Variants in HEMK2 observed in about 807,000 individuals in gnomAD.
HEMK2 encodes HemK methyltransferase 2, ETF1 glutamine and histone H4 lysine, also known as methyltransferase HEMK2.
chr21:28,705,771 C>T, the HEMK2 span, among the ~76,000 whole-genome samples: 2 of 152,122 alleles, frequency 1.3e-5, no homozygotes. Context: ...AAGGGTAAAT[C>T]AACGTTCTCG....
chr21:28,839,400 G>T, the HEMK2 span, among the ~76,000 whole-genome samples: 2 of 152,112 alleles, frequency 1.3e-5, no homozygotes, highest in East Asian at 3.9e-4. Context: ...GAAATAAAGC[G>T]CATTCAAATC....
At chr21:28,807,012 G>A in the HEMK2 span, among the ~76,000 whole-genome samples, 1 of 152,130 alleles carries the variant, frequency 6.6e-6, no homozygotes. Flanking sequence ...AAATGTCAGA[G>A]GCAGGCACAA....
the HEMK2 span, among the ~76,000 whole-genome samples, chr21:28,808,463 T>C: frequency 6.6e-6 from 1 of 150,702 alleles, no homozygotes; most frequent in Non-Finnish European, 1.5e-5. Context: ...ATTGAATCAG[T>C]AGATCAATTT....
At chr21:28,793,340 T>C in the HEMK2 span, among the ~76,000 whole-genome samples, 1 of 152,238 alleles carries the variant, frequency 6.6e-6, no homozygotes, top group Non-Finnish European at 1.5e-5. Context: ...CAATAACTCA[T>C]TTGCCTAAAA....
At chr21:28,878,354 T>C in the HEMK2 span, 5 of 1,611,532 alleles carry the variant, frequency 3.1e-6, no homozygotes, top group African/African-American at 6.7e-5. Flanking sequence ...TTAGAAAGAA[T>C]GTTTTCTTTT....
chr21:28,757,530 T>C, the HEMK2 span, among the ~76,000 whole-genome samples: 1 of 152,198 alleles, frequency 6.6e-6, no homozygotes, highest in African/African-American at 2.4e-5. Context: ...GGAACTCCCC[T>C]GCCCAAATAC....
the HEMK2 span, among the ~76,000 whole-genome samples, chr21:28,828,628 G>A: frequency 6.6e-6 from 1 of 152,122 alleles, no homozygotes; most frequent in East Asian, 1.9e-4. Context: ...GTAGCCCTTC[G>A]ACTGCCAATC....
At chr21:28,846,708 G>A in the HEMK2 span, among the ~76,000 whole-genome samples, 1 of 152,040 alleles carries the variant, frequency 6.6e-6, no homozygotes, top group Non-Finnish European at 1.5e-5. Context: ...TGTTGCAGGA[G>A]TTTGGTATAC....
At chr21:28,586,063 T>C in the HEMK2 span, among the ~76,000 whole-genome samples, 1 of 152,192 alleles carries the variant, frequency 6.6e-6, no homozygotes, top group Non-Finnish European at 1.5e-5. Flanking sequence ...TAGATTTAAA[T>C]GTTGCCCCTG....
chr21:28,843,595 G>T, the HEMK2 span, among the ~76,000 whole-genome samples: 1 of 152,154 alleles, frequency 6.6e-6, no homozygotes, highest in African/African-American at 2.4e-5. Context: ...AGAAAGGTAG[G>T]AAGATAGAAC....
At chr21:28,737,592 TA>T in the HEMK2 span, among the ~76,000 whole-genome samples, 107 of 147,792 alleles carry the variant, frequency 7.2e-4, no homozygotes, top group Non-Finnish European at 9.6e-4. Context: ...CATAGACTGT[TA>T]AAAAAAAAAA....
the HEMK2 span, among the ~76,000 whole-genome samples, chr21:28,720,054 T>C: frequency 6.6e-6 from 1 of 152,236 alleles, no homozygotes; most frequent in East Asian, 1.9e-4. Context: ...GGTTTGATGA[T>C]TTCACTGCTT....
the HEMK2 span, among the ~76,000 whole-genome samples, chr21:28,805,871 G>A: frequency 6.6e-6 from 1 of 152,164 alleles, no homozygotes; most frequent in Non-Finnish European, 1.5e-5. Flanking sequence ...TGTGAAAAAT[G>A]ATGTAACACT....
the HEMK2 span, among the ~76,000 whole-genome samples, chr21:28,823,107 G>A: frequency 6.6e-6 from 1 of 152,202 alleles, no homozygotes; most frequent in Non-Finnish European, 1.5e-5. Context: ...ACTGTAATGT[G>A]AACAGGGCAG....
the HEMK2 span, among the ~76,000 whole-genome samples, chr21:28,856,578 T>C: frequency 6.6e-6 from 1 of 152,140 alleles, no homozygotes; most frequent in Non-Finnish European, 1.5e-5. Context: ...GTACCTTCAA[T>C]TGAGGTATCC....
At chr21:28,704,385 C>T in the HEMK2 span, among the ~76,000 whole-genome samples, 13 of 152,214 alleles carry the variant, frequency 8.5e-5, no homozygotes, top group South Asian at 2.7e-3. Context: ...AAACGCATGG[C>T]TGGTTAAAGG....
At chr21:28,702,144 C>G in the HEMK2 span, among the ~76,000 whole-genome samples, 1 of 152,116 alleles carries the variant, frequency 6.6e-6, no homozygotes, top group Admixed American at 6.6e-5. Context: ...AAGATTGAAA[C>G]TGGACCCCTG....
At chr21:28,736,414 A>T in the HEMK2 span, among the ~76,000 whole-genome samples, 1 of 152,228 alleles carries the variant, frequency 6.6e-6, no homozygotes, top group Non-Finnish European at 1.5e-5. Flanking sequence ...AAGTGAGCCT[A>T]GAAGTGGGGA....
At chr21:28,728,557 G>A in the HEMK2 span, among the ~76,000 whole-genome samples, 1 of 152,156 alleles carries the variant, frequency 6.6e-6, no homozygotes, top group African/African-American at 2.4e-5. Flanking sequence ...ATGATGTAGA[G>A]GGAATGATTA....
Sources: allele counts gnomAD v4.1 joint callset (sites outside exome capture counted in the v4.1 genomes callset), GRCh38; gene constraint gnomAD v4.1.1; transcripts MANE v1.5; gene names NCBI Gene and HGNC (gene_info 2026-07-23, HGNC 2026-07-21).